The following SOX6 variants were observed in gnomAD, a reference collection of about 807,000 sequenced individuals.
SOX6 encodes the protein SRY-box transcription factor 6, also known as transcription factor SOX-6.
Under a neutral mutation model 97.8 loss-of-function variants are expected in SOX6, and 11 were observed. The observed-to-expected ratio is 0.11, with a 90% confidence interval of 0.07 to 0.19. SOX6 has a LOEUF of 0.19. Ranked by LOEUF, SOX6 falls within the 10% of genes least tolerant of loss-of-function variation. SOX6 has a pLI of 1.00. For missense variants in SOX6, 810 were observed against 1,039.5 expected (o/e 0.78, Z 3.04); for synonymous variants, 360 against 371.4 (o/e 0.97, Z 0.35).
chr11:16,734,996 T>C (rs1228152636), intron 2 of SOX6, among the ~76,000 whole-genome samples: 1 of 152,214 alleles, frequency 6.6e-6, no homozygotes, highest in Non-Finnish European at 1.5e-5. Flanking sequence ...AATTCTTATT[T>C]TAATTATAGG....
chr11:16,259,152 G>T (rs1035335325), intron 3 of SOX6, among the ~76,000 whole-genome samples: 1 of 151,628 alleles, frequency 6.6e-6, no homozygotes, highest in Non-Finnish European at 1.5e-5. Context: ...AGGCTAATAT[G>T]AAAATATATT....
chr11:16,240,717 T>C (rs1443125199), intron 3 of SOX6, among the ~76,000 whole-genome samples: 1 of 152,018 alleles, frequency 6.6e-6, no homozygotes, highest in Non-Finnish European at 1.5e-5. Context: ...CAGCGGATGA[T>C]TCAGAAACCT....
intron 9 of SOX6, among the ~76,000 whole-genome samples, chr11:16,069,620 A>G (rs1353965910): frequency 6.6e-6 from 1 of 152,244 alleles, no homozygotes; most frequent in African/African-American, 2.4e-5. Context: ...TAAGGTAATT[A>G]TAATCATGTT....
intron 12 of SOX6, among the ~76,000 whole-genome samples, chr11:16,038,602 G>A (rs1277154417): frequency 6.6e-6 from 1 of 152,046 alleles, no homozygotes; most frequent in African/African-American, 2.4e-5. Flanking sequence ...TATAGATTGG[G>A]AAACTTAAGC....
chr11:16,021,171 A>G (rs909402277), intron 12 of SOX6, among the ~76,000 whole-genome samples: 2 of 152,194 alleles, frequency 1.3e-5, no homozygotes, highest in Non-Finnish European at 2.9e-5. Flanking sequence ...AAACTCTGGC[A>G]AAAGAAGATA....
intron 9 of SOX6, among the ~76,000 whole-genome samples, chr11:16,061,681 T>C (rs1440760676): frequency 1.3e-5 from 2 of 151,680 alleles, no homozygotes; most frequent in Non-Finnish European, 3.0e-5. Flanking sequence ...GTATGGTACT[T>C]GTGTAAAAAT....
In SOX6 at chr11:15,996,686, C is replaced by T. The variant is rs973718740; in HGVS notation, c.1733-7456G>A. On this transcript the variant is annotated intron_variant, in intron 13 of 15. Transcript: ENST00000683767. ...TAAAAATCTACCAGAGTACTTCAAA[C>T]AAAAGACTTAAAAAGGGATTCAATT... 2.0e-5 allele frequency among the ~76,000 whole-genome samples: 3 copies of T among 151,524 alleles called. No individual in the cohort carries two copies. The South Asian group carries it at 6.3e-4, about 32-fold the overall frequency.
chr11:15,978,309 A>G (rs1353768726), intron 15 of SOX6, among the ~76,000 whole-genome samples: 1 of 152,070 alleles, frequency 6.6e-6, no homozygotes, highest in African/African-American at 2.4e-5. Flanking sequence ...ATCACTCCCA[A>G]TACACCACTG....
intron 1 of SOX6, among the ~76,000 whole-genome samples, chr11:16,475,943 A>G (rs1201230930): frequency 6.6e-6 from 1 of 152,242 alleles, no homozygotes; most frequent in Non-Finnish European, 1.5e-5. Flanking sequence ...CTTTTCAAGT[A>G]CAGACAACCA....
At chr11:16,431,821 T>C (rs1590201204) in intron 1 of SOX6, among the ~76,000 whole-genome samples, 1 of 152,256 alleles carries the variant, frequency 6.6e-6, no homozygotes, top group East Asian at 1.9e-4. Flanking sequence ...TATTGAATTA[T>C]ACAAGGCATT....
At chr11:16,033,612 T>G (rs970078394) in intron 12 of SOX6, among the ~76,000 whole-genome samples, 2 of 152,186 alleles carry the variant, frequency 1.3e-5, no homozygotes, top group Admixed American at 6.6e-5. Flanking sequence ...GGCTCACACC[T>G]GTAATCCCAG....
At chr11:16,484,607 T>G in intron 4 of SOX6, 2 of 691,904 alleles carry the variant, frequency 2.9e-6, no homozygotes, top group Non-Finnish European at 5.4e-6. Context: ...TGGAGGGGGC[T>G]TCCAGGTGCC....
At chr11:16,062,381 G>T (rs911723128) in intron 9 of SOX6, among the ~76,000 whole-genome samples, 3 of 151,426 alleles carry the variant, frequency 2.0e-5, no homozygotes, top group Non-Finnish European at 4.4e-5. Flanking sequence ...ATTACATAAG[G>T]GTCTACAAAA....
chr11:16,261,514 C>G (rs3847559), intron 3 of SOX6, among the ~76,000 whole-genome samples: 144,362 of 152,122 alleles, frequency 0.95, 68,956 homozygotes, highest in East Asian at 1. Flanking sequence ...CAAGTAAAAA[C>G]GGGGAAAAAT....
chr11:16,712,343 G>A (rs767186256), intron 3 of SOX6, among the ~76,000 whole-genome samples: 8 of 152,162 alleles, frequency 5.3e-5, no homozygotes, highest in Non-Finnish European at 1.0e-4. Context: ...CATAGTGGCT[G>A]TACTAGTTTT....
intron 6 of SOX6, among the ~76,000 whole-genome samples, chr11:16,132,495 A>AGAAG (rs1849840812): frequency 6.7e-6 from 1 of 150,232 alleles, no homozygotes; most frequent in Non-Finnish European, 1.5e-5. Context: ...AAAGAAAGAA[A>AGAAG]GAAAGAAAGA....
intron 13 of SOX6, among the ~76,000 whole-genome samples, chr11:15,994,366 G>C (rs773146369): frequency 6.7e-6 from 1 of 149,716 alleles, no homozygotes; most frequent in Non-Finnish European, 1.5e-5. Flanking sequence ...AAAGGCACAG[G>C]GTTATAAAAA....
intron 3 of SOX6, among the ~76,000 whole-genome samples, chr11:16,260,302 A>G (rs1325905823): frequency 6.6e-6 from 1 of 152,142 alleles, no homozygotes; most frequent in Non-Finnish European, 1.5e-5. Flanking sequence ...GCCCGGGCCA[A>G]TGTCCCAAAT....
At chr11:16,197,601 G>A (rs1851817579) in intron 4 of SOX6, among the ~76,000 whole-genome samples, 1 of 152,136 alleles carries the variant, frequency 6.6e-6, no homozygotes, top group Non-Finnish European at 1.5e-5. Context: ...TGGATAAATA[G>A]CATGTTCTTT....
Sources: gnomAD v4.1 joint callset for allele counts (sites outside exome capture counted in the v4.1 genomes callset) on GRCh38, gnomAD v4.1.1 for gene constraint, MANE v1.5 for transcripts, NCBI Gene and HGNC (gene_info 2026-07-23, HGNC 2026-07-21) for gene names.